Variants in PRIM2 observed in about 807,000 individuals in gnomAD.
PRIM2 encodes the protein DNA primase subunit 2, also known as DNA primase large subunit.
PRIM2 carries 39 observed loss-of-function variants against 67.3 expected under a neutral mutation model. The ratio of observed to expected loss-of-function variants is 0.58; its 90% CI spans 0.45 to 0.76. The LOEUF (loss-of-function observed/expected upper bound fraction) is 0.76. Among genes scored for constraint, PRIM2 ranks in the 30% least tolerant of loss-of-function variants. PRIM2 has a pLI of 0.00. For synonymous variants in PRIM2, 143 were observed against 198.7 expected (o/e 0.72, Z 2.36); for missense variants, 398 against 598.7 (o/e 0.66, Z 3.50).
At chr6:57,320,430 C>T in intron 2 of PRIM2, 27 bp from the exon 3 acceptor site, 1 of 1,447,848 alleles carries the variant, frequency 6.9e-7, no homozygotes, top group Non-Finnish European at 9.4e-7. Flanking sequence ...CATTATCTTG[C>T]ATTTATACCT....
chr6:57,513,600 G>A (rs1192276454), intron 8 of PRIM2, among the ~76,000 whole-genome samples: 6 of 152,122 alleles, frequency 3.9e-5, no homozygotes, highest in African/African-American at 1.4e-4. Context: ...CACTGTAATA[G>A]TTGCTATTAT....
At chr6:57,380,719 A>G (rs1434654197) in intron 6 of PRIM2, among the ~76,000 whole-genome samples, 1 of 151,430 alleles carries the variant, frequency 6.6e-6, no homozygotes, top group Non-Finnish European at 1.5e-5. Flanking sequence ...CTGTTGGGCC[A>G]TCATTCAGTC....
intron 7 of PRIM2, among the ~76,000 whole-genome samples, chr6:57,445,183 C>A (rs1216440849): frequency 1.3e-5 from 2 of 152,108 alleles, no homozygotes; most frequent in Non-Finnish European, 2.9e-5. Context: ...CTTTGTTTGC[C>A]AACATTCTCG....
chr6:57,302,367 T>G, the PRIM2 span, among the ~76,000 whole-genome samples: 2 of 152,220 alleles, frequency 1.3e-5, no homozygotes, highest in African/African-American at 4.8e-5. Context: ...TTGGAAGGCA[T>G]TTTTGACTTT....
the PRIM2 span, among the ~76,000 whole-genome samples, chr6:57,223,966 C>G: frequency 6.6e-6 from 1 of 152,162 alleles, no homozygotes; most frequent in South Asian, 2.1e-4. Context: ...AATTCCACTT[C>G]TGAGTATATA....
intron 10 of PRIM2, among the ~76,000 whole-genome samples, chr6:57,583,422 T>C (rs1374769598): frequency 3.4e-5 from 5 of 148,800 alleles, no homozygotes; most frequent in Admixed American, 6.8e-5. Context: ...AGTGAGAATA[T>C]GCGGTTTGTT....
the PRIM2 span, among the ~76,000 whole-genome samples, chr6:57,306,709 G>T: frequency 1.9e-3 from 283 of 152,270 alleles, 1 homozygote; most frequent in African/African-American, 6.6e-3. Flanking sequence ...GTCTAATAGG[G>T]AGAGAAAAGA....
chr6:57,569,526 AAAGT>A (rs1359184596), intron 10 of PRIM2, among the ~76,000 whole-genome samples: 1 of 152,230 alleles, frequency 6.6e-6, no homozygotes, highest in East Asian at 1.9e-4. Context: ...ATAACTACAA[AAAGT>A]AAGGAAGTTC....
chr6:57,222,245 G>C, the PRIM2 span: 1 of 152,632 alleles, frequency 6.6e-6, no homozygotes, highest in Non-Finnish European at 1.5e-5. Context: ...AGCTCCGCCG[G>C]GGGTGGTGGG....
intron 10 of PRIM2, among the ~76,000 whole-genome samples, chr6:57,586,586 G>A (rs1776191613): frequency 6.6e-6 from 1 of 152,134 alleles, no homozygotes; most frequent in Admixed American, 6.6e-5. Context: ...TCTCACAATG[G>A]GTATTTGTCT....
chr6:57,365,451 G>A (rs1769325548), intron 5 of PRIM2, among the ~76,000 whole-genome samples: 3 of 151,480 alleles, frequency 2.0e-5, no homozygotes, highest in African/African-American at 7.3e-5. Flanking sequence ...GAATTTTTGT[G>A]CCTTTTCGTG....
the PRIM2 span, among the ~76,000 whole-genome samples, chr6:57,274,943 A>ATTTTTTTTTT: frequency 1.5e-3 from 202 of 137,350 alleles, 2 homozygotes; most frequent in African/African-American, 4.1e-3. Context: ...CACCTGGCTA[A>ATTTTTTTTTT]TTTTTTTTTT....
chr6:57,413,728 A>G (rs1199769610), intron 7 of PRIM2, among the ~76,000 whole-genome samples: 2 of 152,140 alleles, frequency 1.3e-5, no homozygotes, highest in Non-Finnish European at 2.9e-5. Context: ...TTACTGGAGG[A>G]TATATGAATT....
chr6:57,535,355 T>C (rs1228698161), intron 9 of PRIM2, among the ~76,000 whole-genome samples: 1 of 152,160 alleles, frequency 6.6e-6, no homozygotes, highest in Non-Finnish European at 1.5e-5. Context: ...ATACTGGGCT[T>C]TCCCAGGCTC....
intron 13 of PRIM2, among the ~76,000 whole-genome samples, chr6:57,632,454 A>G (rs1777052661): frequency 6.6e-6 from 1 of 152,060 alleles, no homozygotes; most frequent in South Asian, 2.1e-4. Flanking sequence ...GTCACCCACC[A>G]CTCCATATCT....
At chr6:57,329,028 A>C (rs1047545108) in intron 5 of PRIM2, among the ~76,000 whole-genome samples, 1 of 152,042 alleles carries the variant, frequency 6.6e-6, no homozygotes, top group African/African-American at 2.4e-5. Context: ...AGTGTTCTTT[A>C]CATATTCTGG....
chr6:57,406,119 G>T (rs1346416431), intron 7 of PRIM2, among the ~76,000 whole-genome samples: 1 of 152,202 alleles, frequency 6.6e-6, no homozygotes, highest in Non-Finnish European at 1.5e-5. Flanking sequence ...ATTTTGCAAG[G>T]CTCTCTCTTA....
intron 12 of PRIM2, among the ~76,000 whole-genome samples, chr6:57,629,722 CA>C (rs1374383933): frequency 2.0e-5 from 3 of 148,276 alleles, no homozygotes; most frequent in Admixed American, 6.7e-5. Context: ...GCACAGCAGG[CA>C]AAAATGAACC....
chr6:57,290,825 C>A, the PRIM2 span, among the ~76,000 whole-genome samples: 1 of 152,074 alleles, frequency 6.6e-6, no homozygotes, highest in South Asian at 2.1e-4. Context: ...CACAACATAC[C>A]AGAATCTCTG....
Sources: gnomAD v4.1 joint callset for allele counts (sites outside exome capture counted in the v4.1 genomes callset) on GRCh38, gnomAD v4.1.1 for gene constraint, MANE v1.5 for transcripts, NCBI Gene and HGNC (gene_info 2026-07-23, HGNC 2026-07-21) for gene names.